Variants in SMOC2 observed in about 807,000 individuals in gnomAD.
SMOC2 encodes the protein SPARC related modular calcium binding 2, also known as SPARC-related modular calcium-binding protein 2.
In SMOC2, 39 loss-of-function variants were observed where a neutral mutation model predicts 61.4. The observed-to-expected ratio is 0.64, with a 90% CI of 0.49 to 0.83. The LOEUF is 0.83. Among genes scored for constraint, SMOC2 ranks in the 40% least tolerant of loss-of-function variants. SMOC2 has a pLI of 0.00. For synonymous variants in SMOC2, 247 were observed against 239.9 expected, an observed-to-expected ratio of 1.03 and a Z score of -0.27; for missense variants, 556 against 592.9, an observed-to-expected ratio of 0.94 and a Z score of 0.65.
chr6:168,588,585 T>C (rs1245488309), intron 7 of SMOC2, among the ~76,000 whole-genome samples: 1 of 152,216 alleles, frequency 6.6e-6, no homozygotes, highest in Non-Finnish European at 1.5e-5. Flanking sequence ...ATTTGACCAG[T>C]GCAGATTCTG....
chr6:168,634,869 C>T (rs1054360703), intron 9 of SMOC2, among the ~76,000 whole-genome samples: 15 of 152,106 alleles, frequency 9.9e-5, no homozygotes, highest in African/African-American at 3.6e-4. Context: ...TAGTTACTTT[C>T]TAAGCATTAT....
chr6:168,557,842 T>A (rs1784283672), intron 7 of SMOC2, among the ~76,000 whole-genome samples: 1 of 152,248 alleles, frequency 6.6e-6, no homozygotes, highest in Non-Finnish European at 1.5e-5. Context: ...ATTCTTAGAA[T>A]AGCCATGTGA....
At position 168,653,016 on chromosome 6, in the gene SMOC2, T is replaced by C. The variant is rs1787235321; in HGVS notation, c.1073T>C (p.Leu358Pro). 2 of 1,613,968 alleles carry C rather than the reference T, an allele frequency of 1.2e-6. No homozygotes were observed. Among genetic ancestry groups the C allele is most frequent in the Non-Finnish European group, 8.5e-7 (1 of 1,179,992 alleles). The change falls in exon 11 of 13, where the codon CTA (leucine) becomes CCA (proline). Residue 358 changes from leucine (L) to proline (P), a missense_variant. Coordinates refer to ENST00000356284, the MANE Select transcript of SMOC2 (RefSeq NM_001166412.2). The stretch of plus-strand genomic sequence containing the variant: ...CGGGTGGTGCACTGGTACTTCAAAC[T>C]ACTGGATAAAAACTCCAGTGGAGAC... ...EERVVHWYFKLLDKNSSGDIG... is the reference protein window; with the variant it reads ...EERVVHWYFKPLDKNSSGDIG...
chr6:168,607,470 TC>T (rs898423948), intron 8 of SMOC2, among the ~76,000 whole-genome samples: 1 of 152,160 alleles, frequency 6.6e-6, no homozygotes, highest in African/African-American at 2.4e-5. Context: ...AGCCACTTGC[TC>T]CCATGAGCTC....
intron 2 of SMOC2, among the ~76,000 whole-genome samples, chr6:168,523,332 C>T (rs1457356354): frequency 1.3e-5 from 2 of 150,018 alleles, no homozygotes; most frequent in African/African-American, 4.9e-5. Context: ...TCAAGATCCA[C>T]CCGCCTCGGC....
At chr6:168,576,918 G>A (rs1384252321) in intron 7 of SMOC2, among the ~76,000 whole-genome samples, 1 of 151,946 alleles carries the variant, frequency 6.6e-6, no homozygotes, top group East Asian at 1.9e-4. Context: ...CCTCAAGCAC[G>A]CATGAGATTT....
In SMOC2 at chr6:168,453,961, C is replaced by T. The variant is rs1425434897; in HGVS notation, c.84+12507C>T. 6.6e-6 allele frequency among the ~76,000 whole-genome samples: 1 copy of T among 152,160 alleles called. No individual in the cohort carries two copies. The highest frequency in any genetic ancestry group is 1.9e-4 in the East Asian group (1 of 5,154). On this transcript the variant is annotated intron_variant, in intron 1 of 12. Transcript: ENST00000356284. This position sits in a 1 kb window ranked among gnomAD's most constrained non-coding sequence, Gnocchi z 4.4. ...ATCTTTGGTCTCTGCCATTCTCCCTCTCTGTTTTGTCTATCTTTCTTTGCC... is the reference window on the plus strand; with the variant it reads ...ATCTTTGGTCTCTGCCATTCTCCCTTTCTGTTTTGTCTATCTTTCTTTGCC...
At chr6:168,460,557 C>T (rs1365056035) in intron 1 of SMOC2, among the ~76,000 whole-genome samples, 2 of 152,164 alleles carry the variant, frequency 1.3e-5, no homozygotes, top group Non-Finnish European at 2.9e-5. Flanking sequence ...GAGGTCTGCC[C>T]ACCCAAATCC....
intron 2 of SMOC2, among the ~76,000 whole-genome samples, chr6:168,519,677 T>A (rs755473681): frequency 6.6e-5 from 10 of 152,260 alleles, no homozygotes; most frequent in Middle Eastern, 3.4e-3. Context: ...CAGGGGCCTC[T>A]CCGCACAGCC....
intron 7 of SMOC2, among the ~76,000 whole-genome samples, chr6:168,566,234 G>A (rs1256518020): frequency 2.0e-5 from 3 of 151,946 alleles, no homozygotes; most frequent in Non-Finnish European, 4.4e-5. Context: ...CACCCCCTCT[G>A]CATGCCTGTG....
intron 9 of SMOC2, among the ~76,000 whole-genome samples, chr6:168,641,834 A>G (rs993356219): frequency 6.6e-6 from 1 of 152,232 alleles, no homozygotes; most frequent in African/African-American, 2.4e-5. Context: ...CTATCAGTGT[A>G]TTAGTTATCA....
intron 9 of SMOC2, among the ~76,000 whole-genome samples, chr6:168,645,759 C>T (rs1313507180): frequency 6.6e-6 from 1 of 152,144 alleles, no homozygotes; most frequent in African/African-American, 2.4e-5. Context: ...CCACGCAGGC[C>T]CCCAATGGGA....
At chr6:168,660,397 G>A (rs972155474) in intron 11 of SMOC2, among the ~76,000 whole-genome samples, 2 of 152,194 alleles carry the variant, frequency 1.3e-5, no homozygotes, top group African/African-American at 4.8e-5. Context: ...GGTGTTGAAG[G>A]ATACATGGAG....
intron 7 of SMOC2, among the ~76,000 whole-genome samples, chr6:168,558,748 T>A (rs996849369): frequency 6.6e-6 from 1 of 152,160 alleles, no homozygotes; most frequent in Admixed American, 6.5e-5. Context: ...CTTCCCTGAA[T>A]GTGTGTGTGT....
At position 168,667,028 on chromosome 6, in the gene SMOC2, T is replaced by C. The variant is rs1157111789; in HGVS notation, c.*590T>C. 6.6e-6 allele frequency: 1 copy of C among 152,350 alleles called. No homozygotes were observed. Among genetic ancestry groups the C allele is most frequent in the African/African-American group, 2.4e-5 (1 of 41,450 alleles). 9.4% of individuals were successfully genotyped at this position (152,350 alleles called of 1,614,324 possible). A position where few individuals can be genotyped will look rare whatever the true frequency, so the allele number is the denominator to read the frequency against. On this transcript the variant is annotated 3_prime_UTR_variant, in exon 13 of 13. Coordinates refer to ENST00000356284, the MANE Select transcript of SMOC2 (RefSeq NM_001166412.2). Reference sequence around the variant, plus strand: ...GTGCAGGTAGTTCCCCTGGAGGAAATAATATTTTCAAACTGTCGTTGGTGT... The same window carrying C: ...GTGCAGGTAGTTCCCCTGGAGGAAACAATATTTTCAAACTGTCGTTGGTGT...
At chr6:168,606,747 C>T (rs558035202) in intron 8 of SMOC2, among the ~76,000 whole-genome samples, 4 of 152,154 alleles carry the variant, frequency 2.6e-5, no homozygotes, top group East Asian at 1.9e-4. Context: ...CTCAGGGCTC[C>T]GGGCCGGACC....
intron 2 of SMOC2, among the ~76,000 whole-genome samples, chr6:168,518,736 T>G (rs1033839145): frequency 6.6e-6 from 1 of 151,268 alleles, no homozygotes; most frequent in African/African-American, 2.4e-5. Flanking sequence ...AGTGTGCATG[T>G]GTGTGAATGT....
intron 1 of SMOC2, among the ~76,000 whole-genome samples, chr6:168,490,452 T>C (rs1782449081): frequency 6.6e-6 from 1 of 152,136 alleles, no homozygotes; most frequent in Non-Finnish European, 1.5e-5. Context: ...AGGGGACCTT[T>C]CACTGGGCAG....
rs76776636 is a variant in SMOC2 at position 168,441,334 on chromosome 6, A to G, written c.-37A>G. 290,625 of 1,493,822 alleles carry G rather than the reference A, an allele frequency of 0.19. 36,504 individuals are homozygous for G. The highest frequency in any genetic ancestry group is 0.53 in the African/African-American group (36,034 of 68,510). 92.5% of individuals were successfully genotyped at this position (1,493,822 alleles called of 1,614,324 possible). On this transcript the variant is annotated 5_prime_UTR_variant, in exon 1 of 13. Coordinates refer to ENST00000356284, the MANE Select transcript of SMOC2 (RefSeq NM_001166412.2). The stretch of plus-strand genomic sequence containing the variant: ...CCCGGCTGCAGTGCCAGGGCGCAGG[A>G]CGCGGCCGATCTCCCGCTCCCGCCA...
Sources: allele counts gnomAD v4.1 joint callset (sites outside exome capture counted in the v4.1 genomes callset), GRCh38; gene constraint gnomAD v4.1.1; non-coding constraint Gnocchi (gnomAD v3.1); transcripts MANE v1.5; gene names NCBI Gene and HGNC (gene_info 2026-07-23, HGNC 2026-07-21).